The following CSMD2 variants were observed in gnomAD, a reference collection of about 807,000 sequenced individuals.
CSMD2 encodes CUB and Sushi multiple domains 2.
A neutral mutation model predicts 398.5 loss-of-function variants in CSMD2; 130 were observed. The ratio of observed to expected loss-of-function variants is 0.33; its 90% CI spans 0.28 to 0.38. CSMD2 has a LOEUF of 0.38. Ranked by LOEUF, CSMD2 falls within the 10% of genes least tolerant of loss-of-function variation. CSMD2 has a pLI of 1.00. For missense variants in CSMD2, 3,829 were observed against 4,764.9 expected (o/e 0.80, Z 5.78); for synonymous variants, 1,828 against 1,908.5 (o/e 0.96, Z 1.10).
At chr1:33,561,918 C>T (rs772363835) in intron 53 of CSMD2, among the ~76,000 whole-genome samples, 2 of 152,040 alleles carry the variant, frequency 1.3e-5, no homozygotes, top group African/African-American at 2.4e-5. Flanking sequence ...GTCGTGATGC[C>T]CCTTCCCTGA....
intron 28 of CSMD2, among the ~76,000 whole-genome samples, chr1:33,648,031 G>C (rs1345433617): frequency 6.6e-6 from 1 of 152,126 alleles, no homozygotes; most frequent in Non-Finnish European, 1.5e-5. Context: ...TACTTGATGG[G>C]TGTCAAAACC....
chr1:33,697,802 G>A (rs903577833), intron 24 of CSMD2, among the ~76,000 whole-genome samples: 1 of 152,252 alleles, frequency 6.6e-6, no homozygotes, highest in Non-Finnish European at 1.5e-5. Flanking sequence ...TATGGGCCCT[G>A]ACAAGGGCAG....
At chr1:34,126,088 C>A (rs1027680334) in intron 1 of CSMD2, among the ~76,000 whole-genome samples, 2 of 152,230 alleles carry the variant, frequency 1.3e-5, no homozygotes, top group Non-Finnish European at 2.9e-5. Context: ...CTCATCCAGA[C>A]CCACTCCAGT....
intron 21 of CSMD2, among the ~76,000 whole-genome samples, chr1:33,711,829 G>A (rs145261987): frequency 5.5e-4 from 83 of 152,234 alleles, no homozygotes; most frequent in African/African-American, 2.0e-3. Context: ...ATACCTTTAC[G>A]AGGAGGGGCT....
At chr1:33,774,017 G>A (rs1033438245) in intron 12 of CSMD2, among the ~76,000 whole-genome samples, 1 of 152,034 alleles carries the variant, frequency 6.6e-6, no homozygotes, top group Non-Finnish European at 1.5e-5. Flanking sequence ...TTATGGGCGG[G>A]CTCTTGACTG....
chr1:33,669,678 G>A (rs1644429013), intron 25 of CSMD2, among the ~76,000 whole-genome samples: 1 of 152,182 alleles, frequency 6.6e-6, no homozygotes, highest in Non-Finnish European at 1.5e-5. Flanking sequence ...CCTTACCCCT[G>A]GTACCTGTGT....
chr1:33,704,373 T>C (rs1645707333), intron 22 of CSMD2, among the ~76,000 whole-genome samples: 1 of 152,228 alleles, frequency 6.6e-6, no homozygotes, highest in Non-Finnish European at 1.5e-5. Flanking sequence ...TTGGTGATAG[T>C]AGAACTATTG....
At chr1:34,035,214 A>G (rs1208544236) in intron 2 of CSMD2, among the ~76,000 whole-genome samples, 1 of 152,198 alleles carries the variant, frequency 6.6e-6, no homozygotes, top group Non-Finnish European at 1.5e-5. Context: ...AGATTGAATT[A>G]GTAATTTTAA....
chr1:33,967,182 A>T (rs2125410648), intron 3 of CSMD2, among the ~76,000 whole-genome samples: 1 of 151,570 alleles, frequency 6.6e-6, no homozygotes, highest in South Asian at 2.1e-4. Flanking sequence ...AATGGCTTTG[A>T]TCTCATATTT....
intron 3 of CSMD2, among the ~76,000 whole-genome samples, chr1:34,013,703 G>A (rs980574422): frequency 3.3e-5 from 5 of 152,168 alleles, no homozygotes; most frequent in Non-Finnish European, 7.3e-5. Flanking sequence ...GGGAAAAAAA[G>A]GGGCAAAGGG....
intron 56 of CSMD2, 26 bp downstream of exon 56, chr1:33,550,151 T>C (rs1657303232): frequency 1.9e-6 from 3 of 1,602,558 alleles, no homozygotes; most frequent in Non-Finnish European, 2.6e-6. Context: ...CCACTGGAGC[T>C]CTTTCCTCAA....
intron 53 of CSMD2, among the ~76,000 whole-genome samples, chr1:33,562,514 C>T (rs532929533): frequency 8.5e-5 from 13 of 152,212 alleles, no homozygotes; most frequent in South Asian, 2.1e-4. Flanking sequence ...AGAGAAGTGG[C>T]CTTTGCTGCT....
At chr1:33,942,815 T>C (rs902451106) in intron 3 of CSMD2, among the ~76,000 whole-genome samples, 1 of 152,216 alleles carries the variant, frequency 6.6e-6, no homozygotes. Context: ...CTTTCTTGTT[T>C]TTAGGTTTTT....
In CSMD2 at chr1:33,825,592, G is replaced by A; in HGVS notation, c.1111+105C>T. The A allele has an allele frequency of 3.0e-6, 3 of 1,014,454 alleles. No individual in the cohort carries two copies. The South Asian group carries it at 4.1e-5, about 14-fold the overall frequency. The allele number at this position is 1,014,454 out of a possible 1,614,324, so 62.8% of individuals were successfully genotyped here. A position where few individuals can be genotyped will look rare whatever the true frequency, so the allele number is the denominator to read the frequency against. On this transcript the variant is annotated intron_variant, in intron 7 of 70. Transcript: ENST00000373381. ...AGCCCAGGATGGAGGAAGCAGGGTT[G>A]AAGGAAAGTCATTCCAGCATCATCT...
intron 13 of CSMD2, among the ~76,000 whole-genome samples, chr1:33,750,116 A>C (rs1429606022): frequency 2.0e-5 from 3 of 152,200 alleles, no homozygotes; most frequent in South Asian, 2.1e-4. Flanking sequence ...TTTTTAATGG[A>C]GAGGCAAACT....
intron 51 of CSMD2, 43 bp downstream of exon 51, chr1:33,571,489 A>C (rs372268867): frequency 7.3e-7 from 1 of 1,369,826 alleles, no homozygotes; most frequent in African/African-American, 1.4e-5. Context: ...CTTAGGTAGG[A>C]GGGACCCTGC....
chr1:33,873,485 A>G (rs1204731673), intron 5 of CSMD2: 1 of 152,208 alleles, frequency 6.6e-6, no homozygotes, highest in African/African-American at 2.4e-5. Context: ...GTTATAAAAG[A>G]CTGTCACTTC....
chr1:33,552,016 G>A (rs1657492381), intron 55 of CSMD2, among the ~76,000 whole-genome samples: 1 of 152,150 alleles, frequency 6.6e-6, no homozygotes, highest in South Asian at 2.1e-4. Context: ...AGGCCCACCT[G>A]AGCCACAACA....
intron 5 of CSMD2, among the ~76,000 whole-genome samples, chr1:33,858,111 C>G (rs1384111771): frequency 2.0e-5 from 3 of 152,172 alleles, no homozygotes; most frequent in African/African-American, 7.2e-5. Context: ...CTTCGCCTGG[C>G]TTTGGCAAGC....
Sources: allele counts gnomAD v4.1 joint callset (sites outside exome capture counted in the v4.1 genomes callset), GRCh38; gene constraint gnomAD v4.1.1; transcripts MANE v1.5; gene names NCBI Gene and HGNC (gene_info 2026-07-23, HGNC 2026-07-21).